The following SGCZ variants were observed in gnomAD, a reference collection of about 807,000 sequenced individuals.
The protein encoded by SGCZ is sarcoglycan zeta, also known as zeta-sarcoglycan.
In SGCZ, 40 loss-of-function variants were observed where a neutral mutation model predicts 41.3. That is an observed-to-expected ratio of 0.97 (90% CI 0.75 to 1.26). SGCZ has a LOEUF of 1.26. Among genes scored for constraint, SGCZ ranks in the 50% most tolerant of loss-of-function variants. SGCZ has a pLI of 0.00. For synonymous variants in SGCZ, 206 were observed against 137.5 expected, an observed-to-expected ratio of 1.50 and a Z score of -3.49; for missense variants, 552 against 369.8, an observed-to-expected ratio of 1.49 and a Z score of -4.04.
intron 2 of SGCZ, among the ~76,000 whole-genome samples, chr8:14,379,518 A>G (rs1169309989): frequency 6.6e-6 from 1 of 152,136 alleles, no homozygotes; most frequent in Non-Finnish European, 1.5e-5. Context: ...AAGGGAAACA[A>G]CTCAATATCA....
intron 1 of SGCZ, among the ~76,000 whole-genome samples, chr8:14,674,854 C>T (rs939866613): frequency 1.3e-5 from 2 of 150,566 alleles, no homozygotes; most frequent in African/African-American, 4.9e-5. Context: ...AATAAAATCT[C>T]GTTGAGGCCT....
intron 1 of SGCZ, among the ~76,000 whole-genome samples, chr8:14,806,892 TG>T (rs1311478234): frequency 6.6e-6 from 1 of 150,916 alleles, no homozygotes; most frequent in Non-Finnish European, 1.5e-5. Context: ...CATGATCAAG[TG>T]GGCTTCATCC....
At chr8:14,108,467 G>A (rs905170579) in intron 5 of SGCZ, among the ~76,000 whole-genome samples, 10 of 152,130 alleles carry the variant, frequency 6.6e-5, no homozygotes, top group African/African-American at 1.2e-4. Context: ...GAATCATGGC[G>A]GGAGGCAACA....
At chr8:15,110,835 G>T (rs180808223) in intron 1 of SGCZ, among the ~76,000 whole-genome samples, 1 of 152,218 alleles carries the variant, frequency 6.6e-6, no homozygotes, top group African/African-American at 2.4e-5. Context: ...GGGCATAGTG[G>T]CATGCACCTG....
At chr8:14,446,472 GTATAGAGATTCATTTC>G (rs913691146) in intron 2 of SGCZ, among the ~76,000 whole-genome samples, 2 of 152,102 alleles carry the variant, frequency 1.3e-5, no homozygotes, top group Admixed American at 1.3e-4. Context: ...CAAATAAATT[GTATAGAGATTCATTTC>G]TATTTTGACT....
At chr8:15,123,512 T>C (rs1264580058) in intron 1 of SGCZ, among the ~76,000 whole-genome samples, 2 of 152,186 alleles carry the variant, frequency 1.3e-5, no homozygotes, top group African/African-American at 4.8e-5. Context: ...TCAGACACAT[T>C]CATTTTACAG....
At chr8:14,253,010 C>T (rs1427002) in intron 3 of SGCZ, among the ~76,000 whole-genome samples, 101,416 of 151,912 alleles carry the variant, frequency 0.67, 34,244 homozygotes, top group South Asian at 0.78. Context: ...TTACTGGATG[C>T]GACGTCCTCA....
At chr8:14,302,618 C>T (rs1801234404) in intron 3 of SGCZ, among the ~76,000 whole-genome samples, 1 of 152,058 alleles carries the variant, frequency 6.6e-6, no homozygotes, top group South Asian at 2.1e-4. Context: ...CCTTCATCTG[C>T]CCCTCTACCT....
chr8:15,078,330 C>T (rs767141833), intron 1 of SGCZ, among the ~76,000 whole-genome samples: 2 of 151,380 alleles, frequency 1.3e-5, no homozygotes, highest in Non-Finnish European at 2.9e-5. Context: ...ATGGTGCACC[C>T]GTAAGAAACC....
At chr8:15,233,378 G>A (rs1004259211) in intron 1 of SGCZ, among the ~76,000 whole-genome samples, 3 of 149,860 alleles carry the variant, frequency 2.0e-5, no homozygotes, top group Non-Finnish European at 4.4e-5. Context: ...TCTTTTAAGT[G>A]CCAACTCTCT....
At chr8:14,524,292 T>C (rs1406688152) in intron 2 of SGCZ, among the ~76,000 whole-genome samples, 1 of 150,228 alleles carries the variant, frequency 6.7e-6, no homozygotes, top group Non-Finnish European at 1.5e-5. Context: ...CTGGCAGGAG[T>C]GGAAGTCCAG....
At chr8:14,629,632 C>T (rs138617417) in intron 1 of SGCZ, among the ~76,000 whole-genome samples, 1 of 152,192 alleles carries the variant, frequency 6.6e-6, no homozygotes, top group African/African-American at 2.4e-5. Flanking sequence ...AAATGAAAGA[C>T]CTCTGGCAAA....
In SGCZ at chr8:14,274,779, T is replaced by C. The variant is rs192657871; in HGVS notation, c.337-37100A>G. ...ATTTTATATTCATGCTTCTCAGGCATTGAAATAAGAAACACTATTATCAAA... is the reference window on the plus strand; with the variant it reads ...ATTTTATATTCATGCTTCTCAGGCACTGAAATAAGAAACACTATTATCAAA... On this transcript the variant is annotated intron_variant, in intron 3 of 7. Transcript: ENST00000382080. Among the ~76,000 whole-genome samples the C allele has an allele frequency of 6.6e-5, 10 of 152,138 alleles. 1 individual carries two copies. The highest frequency in any genetic ancestry group is 4.2e-4 in the South Asian group (2 of 4,818).
In SGCZ at chr8:14,134,889, T is replaced by TATA. The variant is rs1415938839; in HGVS notation, c.548-26657_548-26655dup. Reference sequence around the variant, plus strand: ...ATATGTTTTTTAAAAACATGACAGATATAATAGTTCATGATGAGAATGTTA... The same window carrying TATA: ...ATATGTTTTTTAAAAACATGACAGATATAATAATAGTTCATGATGAGAATGTTA... On this transcript the variant is annotated intron_variant, in intron 5 of 7. Transcript: ENST00000382080. Among the ~76,000 whole-genome samples, 5 of 152,196 alleles carry TATA rather than the reference T, an allele frequency of 3.3e-5. No individual in the cohort carries two copies. The East Asian group carries it at 9.6e-4, about 29-fold the overall frequency.
intron 3 of SGCZ, among the ~76,000 whole-genome samples, chr8:14,283,165 A>G (rs2116923215): frequency 6.9e-6 from 1 of 144,976 alleles, no homozygotes; most frequent in East Asian, 2.1e-4. Flanking sequence ...ACTTTTAACC[A>G]GCTCTCTCCT....
chr8:15,165,219 A>G (rs1023555912), intron 1 of SGCZ, among the ~76,000 whole-genome samples: 1 of 152,160 alleles, frequency 6.6e-6, no homozygotes, highest in African/African-American at 2.4e-5. Flanking sequence ...CCCGGGAGGC[A>G]GAGGTTGCAG....
intron 1 of SGCZ, among the ~76,000 whole-genome samples, chr8:14,989,209 A>C (rs1040280816): frequency 5.9e-5 from 9 of 152,206 alleles, no homozygotes; most frequent in African/African-American, 2.2e-4. Flanking sequence ...TAGGGAACAC[A>C]TATTCAAAAT....
chr8:14,916,347 G>C (rs1247297511), intron 1 of SGCZ, among the ~76,000 whole-genome samples: 1 of 152,142 alleles, frequency 6.6e-6, no homozygotes, highest in African/African-American at 2.4e-5. Context: ...AGGAAAGCCC[G>C]AAGTTTCAGC....
chr8:14,727,636 G>A (rs1810099448), intron 1 of SGCZ, among the ~76,000 whole-genome samples: 2 of 151,238 alleles, frequency 1.3e-5, no homozygotes, highest in South Asian at 2.1e-4. Context: ...TGAGCCTCCC[G>A]AGTAGCTGGG....
Sources: allele counts gnomAD v4.1 joint callset (sites outside exome capture counted in the v4.1 genomes callset), GRCh38; gene constraint gnomAD v4.1.1; transcripts MANE v1.5; gene names NCBI Gene and HGNC (gene_info 2026-07-23, HGNC 2026-07-21).